The following AGAP1 variants were observed in gnomAD, a reference collection of about 807,000 sequenced individuals.
The protein encoded by AGAP1 is arf-GAP with GTPase, ANK repeat and PH domain-containing protein 1.
Under a neutral mutation model 105.3 loss-of-function variants are expected in AGAP1, and 29 were observed. That is an observed-to-expected ratio of 0.28 (90% confidence interval 0.21 to 0.38). The LOEUF (loss-of-function observed/expected upper bound fraction) is 0.38, where lower values mean the gene tolerates loss of function less well. Ranked by LOEUF, AGAP1 falls within the 10% of genes least tolerant of loss-of-function variation. The probability of loss-of-function intolerance (pLI) is 1.00; values close to 1 mark genes in which losing one functional copy is unlikely to be tolerated. For synonymous variants in AGAP1, 509 were observed against 485.9 expected (o/e 1.05, Z -0.63); for missense variants, 998 against 1,165.1 (o/e 0.86, Z 2.09).
chr2:235,991,731 T>G (rs2055571770), intron 13 of AGAP1, among the ~76,000 whole-genome samples: 1 of 152,210 alleles, frequency 6.6e-6, no homozygotes, highest in African/African-American at 2.4e-5. Context: ...CATGGGTAAT[T>G]AAGGCATTTC....
intron 1 of AGAP1, among the ~76,000 whole-genome samples, chr2:235,520,146 A>G (rs1032670044): frequency 3.9e-5 from 6 of 152,224 alleles, no homozygotes; most frequent in South Asian, 2.1e-4. Flanking sequence ...TTCAGTATCT[A>G]TCTCTAAAAG....
In AGAP1 at chr2:236,012,614, C is replaced by G. The variant is rs964463446; in HGVS notation, c.1646-23947C>G. Among the ~76,000 whole-genome samples the G allele has an allele frequency of 7.9e-5, 12 of 152,024 alleles. No individual in the cohort carries two copies. Among genetic ancestry groups the G allele is most frequent in the African/African-American group, 2.9e-4 (12 of 41,386 alleles). ...GATCCTTTTCCCAGGTTTGGAGTTA[C>G]CTGAGACAGATACTTAGGTAGGACC... On this transcript the variant is annotated intron_variant, in intron 13 of 17. Transcript: ENST00000304032. The surrounding 1 kb of genome is among the most constrained non-coding windows in gnomAD (Gnocchi z 4.9).
rs1457258169 is a variant in AGAP1 at position 235,977,338 on chromosome 2, G to A, written c.1645+8715G>A. On this transcript the variant is annotated intron_variant, in intron 13 of 17. Coordinates refer to ENST00000304032, the MANE Select transcript of AGAP1 (RefSeq NM_001037131.3). This position sits in a 1 kb window ranked among gnomAD's most constrained non-coding sequence, Gnocchi z 5.2. ...GTCTCGGTGAAATTATGGTCCACTT[G>A]GACCAAGGTCCTGAAGCCAGAAGAG... Among the ~76,000 whole-genome samples, 2 of 152,064 alleles carry A rather than the reference G, an allele frequency of 1.3e-5. No individual in the cohort carries two copies. The highest frequency in any genetic ancestry group is 2.4e-5 in the African/African-American group (1 of 41,384).
chr2:235,774,394 G>C (rs1955699317), intron 6 of AGAP1: 1 of 470,816 alleles, frequency 2.1e-6, no homozygotes, highest in Admixed American at 2.4e-5. Flanking sequence ...AAAGGGCTGA[G>C]TCTGTCGGGT....
chr2:235,819,882 CT>C (rs140417052), intron 9 of AGAP1, among the ~76,000 whole-genome samples: 1,736 of 140,562 alleles, frequency 0.012, 30 homozygotes, highest in African/African-American at 0.041. Context: ...TGTAAAATGG[CT>C]TTTTTTTTTC....
In AGAP1 at chr2:235,956,677, G is replaced by A. The variant is rs114507886; in HGVS notation, c.1484-11785G>A. Among the ~76,000 whole-genome samples the A allele has an allele frequency of 3.6e-3, 551 of 152,336 alleles. 5 individuals carry two copies. Among genetic ancestry groups the A allele is most frequent in the African/African-American group, 0.012 (500 of 41,588 alleles). The stretch of plus-strand genomic sequence containing the variant: ...CCAGGGCTGTCCCACCTGTGGTCAG[G>A]AGGAGGCTGGGGGACACCCCTTCAG... On this transcript the variant is annotated intron_variant, in intron 12 of 17. Coordinates refer to ENST00000304032, the MANE Select transcript of AGAP1 (RefSeq NM_001037131.3).
rs1364772330 is a variant in AGAP1, at chr2:235,707,763, C to G, written c.164-1416C>G. 8.6e-5 allele frequency among the ~76,000 whole-genome samples: 13 copies of G among 150,334 alleles called. No homozygotes were observed. The East Asian group carries it at 2.6e-3, about 30-fold the overall frequency. On this transcript the variant is annotated intron_variant, in intron 1 of 17. Transcript: ENST00000304032. ...GTAGGACGTGCTCCCCAGTGTGTGA[C>G]ATGGTGGGATGTGCTCCCTCCCCAG...
rs1248599013 is a variant in AGAP1 at position 235,612,812 on chromosome 2, C to T, written c.164-96367C>T. ...TTGGCCTGCCAGCCGATGTTGTGAT[C>T]TTGTGGAGGGAATGACCCCACGTCT... On this transcript the variant is annotated intron_variant, in intron 1 of 17. Coordinates refer to ENST00000304032, the MANE Select transcript of AGAP1 (RefSeq NM_001037131.3). This position sits in a 1 kb window ranked among gnomAD's most constrained non-coding sequence, Gnocchi z 4.3. Among the ~76,000 whole-genome samples the T allele has an allele frequency of 6.6e-6, 1 of 152,112 alleles. No homozygotes were observed. The highest frequency in any genetic ancestry group is 1.5e-5 in the Non-Finnish European group (1 of 68,030).
At chr2:235,763,035 G>T (rs986401214) in intron 6 of AGAP1, among the ~76,000 whole-genome samples, 4 of 139,974 alleles carry the variant, frequency 2.9e-5, no homozygotes, top group East Asian at 2.2e-4. Flanking sequence ...TTAAGGCTCG[G>T]GTGTGTGTGT....
chr2:235,529,436 G>T (rs975886582), intron 1 of AGAP1, among the ~76,000 whole-genome samples: 2 of 152,198 alleles, frequency 1.3e-5, no homozygotes, highest in African/African-American at 4.8e-5. Flanking sequence ...GGTGTCCAGG[G>T]GTGCCTGATC....
chr2:235,507,336 G>C (rs1941863027), intron 1 of AGAP1: 1 of 152,592 alleles, frequency 6.6e-6, no homozygotes, highest in Non-Finnish European at 1.5e-5. Flanking sequence ...GCAAGAGTCT[G>C]GATGGTGATG....
intron 1 of AGAP1, among the ~76,000 whole-genome samples, chr2:235,527,434 G>A (rs140056467): frequency 1.1e-3 from 165 of 152,296 alleles, no homozygotes; most frequent in African/African-American, 3.7e-3. Context: ...GCAGTGGCAC[G>A]ATCATGGCTC....
intron 1 of AGAP1, among the ~76,000 whole-genome samples, chr2:235,523,120 C>T (rs1309924113): frequency 6.6e-6 from 1 of 150,684 alleles, no homozygotes; most frequent in Admixed American, 6.6e-5. Flanking sequence ...TCGCTGTGGC[C>T]TCTCATGGTG....
In AGAP1 at chr2:235,753,037, C is replaced by T. The variant is rs1350802734; in HGVS notation, c.673+2549C>T. Among the ~76,000 whole-genome samples, 1 of 152,136 alleles carries T rather than the reference C, an allele frequency of 6.6e-6. No individual in the cohort carries two copies. Among genetic ancestry groups the T allele is most frequent in the Non-Finnish European group, 1.5e-5 (1 of 68,028 alleles). Reference sequence around the variant, plus strand: ...GTCCCTTCCCATAAAGGCACTTAACCCATCACAGGGTTCCACCCTTGTGAT... The same window carrying T: ...GTCCCTTCCCATAAAGGCACTTAACTCATCACAGGGTTCCACCCTTGTGAT... On this transcript the variant is annotated intron_variant, in intron 6 of 17. Transcript: ENST00000304032. The surrounding 1 kb of genome is among the most constrained non-coding windows in gnomAD (Gnocchi z 4.5).
Position 236,120,183 on chromosome 2 carries a change from T to A in AGAP1, c.2115-9T>A, listed in dbSNP as rs762227519. The A allele has an allele frequency of 6.2e-7, 1 of 1,604,614 alleles. No individual in the cohort carries two copies. The highest frequency in any genetic ancestry group is 8.5e-7 in the Non-Finnish European group (1 of 1,174,416). On this transcript the variant is annotated splice_polypyrimidine_tract_variant and intron_variant, in intron 16 of 17. Transcript: ENST00000304032. The surrounding 1 kb of genome is among the most constrained non-coding windows in gnomAD (Gnocchi z 6.0). Reference sequence around the variant, plus strand: ...ATCGTGACTGCACCTGTCTGGTGGCTCTTTGCAGGGAAGAGAAGGAACGGT... The same window carrying A: ...ATCGTGACTGCACCTGTCTGGTGGCACTTTGCAGGGAAGAGAAGGAACGGT...
At position 235,596,709 on chromosome 2, in the gene AGAP1, G is replaced by C. The variant is rs1945536880; in HGVS notation, c.163+101860G>C. ...GAAGAGAAACCTCGGAGGTCAATCA[G>C]CTTTCACTCTTCCTCTCTTGTGCCC... On this transcript the variant is annotated intron_variant, in intron 1 of 17. Coordinates refer to ENST00000304032, the MANE Select transcript of AGAP1 (RefSeq NM_001037131.3). This position sits in a 1 kb window ranked among gnomAD's most constrained non-coding sequence, Gnocchi z 5.9. Among the ~76,000 whole-genome samples the C allele has an allele frequency of 6.6e-6, 1 of 152,204 alleles. No homozygotes were observed. Among genetic ancestry groups the C allele is most frequent in the Admixed American group, 6.5e-5 (1 of 15,286 alleles).
chr2:235,514,844 G>A (rs1474129315), intron 1 of AGAP1, among the ~76,000 whole-genome samples: 1 of 152,180 alleles, frequency 6.6e-6, no homozygotes, highest in Non-Finnish European at 1.5e-5. Context: ...GATGGACTCT[G>A]GCTTGTAGGG....
rs1368417557 is a variant in AGAP1, at chr2:235,960,552, C to T, written c.1484-7910C>T. The stretch of plus-strand genomic sequence containing the variant: ...GGACTCTTCCGTACCTCACTTCTCC[C>T]TGCACCTGTGGCCCCTGCTATCGGC... On this transcript the variant is annotated intron_variant, in intron 12 of 17. Transcript: ENST00000304032. The surrounding 1 kb of genome is among the most constrained non-coding windows in gnomAD (Gnocchi z 4.9). Among the ~76,000 whole-genome samples, 1 of 152,206 alleles carries T rather than the reference C, an allele frequency of 6.6e-6. No homozygotes were observed. The highest frequency in any genetic ancestry group is 2.4e-5 in the African/African-American group (1 of 41,458).
rs1485542835 is a variant in AGAP1 at position 236,123,066 on chromosome 2, A to G, written c.2371-853A>G. ...TGTGGTGGAATACTGTATGACTTGC[A>G]TATGTCATGCTTTTTGAGGGGTGGG... On this transcript the variant is annotated intron_variant, in intron 17 of 17. Transcript: ENST00000304032. The surrounding 1 kb of genome is among the most constrained non-coding windows in gnomAD (Gnocchi z 4.6). Among the ~76,000 whole-genome samples the G allele has an allele frequency of 6.6e-6, 1 of 151,008 alleles. No individual in the cohort carries two copies. The highest frequency in any genetic ancestry group is 2.4e-5 in the African/African-American group (1 of 41,040).
Sources: allele counts gnomAD v4.1 joint callset (sites outside exome capture counted in the v4.1 genomes callset), GRCh38; gene constraint gnomAD v4.1.1; non-coding constraint Gnocchi (gnomAD v3.1); transcripts MANE v1.5; gene names NCBI Gene and HGNC (gene_info 2026-07-23, HGNC 2026-07-21).